DOK4: variants seen among roughly 807,000 people sequenced by gnomAD.
DOK4 encodes downstream of tyrosine kinase 4.
In DOK4, 26 loss-of-function variants were observed where a neutral mutation model predicts 40.1. The ratio of observed to expected loss-of-function variants is 0.65; its 90% CI spans 0.48 to 0.90. The LOEUF (loss-of-function observed/expected upper bound fraction) is 0.90, where lower values mean the gene tolerates loss of function less well. DOK4 is among the 40% of genes least tolerant of loss of function. The pLI, the probability that DOK4 is intolerant of heterozygous loss-of-function variation, is 0.00. For missense variants in DOK4, 392 were observed against 437.2 expected (o/e 0.90, Z 0.92); for synonymous variants, 179 against 177.0 (o/e 1.01, Z -0.09).
chr16:57,484,864 C>A (rs990694840), intron 1 of DOK4, among the ~76,000 whole-genome samples: 4 of 152,232 alleles, frequency 2.6e-5, no homozygotes, highest in African/African-American at 9.6e-5. Flanking sequence ...TTACATCTGT[C>A]CATTTGTTTC....
chr16:57,479,331 C>CGGCAGCCGGAG lies in DOK4; in HGVS notation c.66+100_66+110dup. ...CCCGAGACCACAGATGCACGATGCC[C>CGGCAGCCGGAG]GGCAGCCGGAGGGCAGCCGCGTGCC... On this transcript the variant is annotated intron_variant, in intron 2 of 8. Coordinates refer to ENST00000340099, the Ensembl canonical transcript of DOK4. The surrounding 1 kb of genome is among the most constrained non-coding windows in gnomAD (Gnocchi z 5.8). The CGGCAGCCGGAG allele has an allele frequency of 8.1e-7, 1 of 1,233,408 alleles. No individual in the cohort carries two copies. Among genetic ancestry groups the CGGCAGCCGGAG allele is most frequent in the Non-Finnish European group, 1.1e-6 (1 of 870,572 alleles). The allele number at this position is 1,233,408 out of a possible 1,614,324, so 76.4% of individuals were successfully genotyped here.
intron 1 of DOK4, among the ~76,000 whole-genome samples, chr16:57,481,000 C>T (rs1374096004): frequency 6.6e-6 from 1 of 152,182 alleles, no homozygotes; most frequent in Non-Finnish European, 1.5e-5. Flanking sequence ...CATCCATCCT[C>T]GGGGGCAGGG....
chr16:57,478,929 C>A (rs1371782322), intron 2 of DOK4, among the ~76,000 whole-genome samples: 2 of 152,128 alleles, frequency 1.3e-5, no homozygotes, highest in Non-Finnish European at 2.9e-5. Context: ...TTAAACTCGA[C>A]AACCAAAAAT....
intron 2 of DOK4, among the ~76,000 whole-genome samples, chr16:57,476,754 T>C (rs1312916230): frequency 1.3e-5 from 2 of 152,244 alleles, no homozygotes; most frequent in African/African-American, 2.4e-5. Flanking sequence ...CCTTCCCTCC[T>C]GGCCCTGGCC....
At chr16:57,484,064 A>G (rs1328849028) in intron 1 of DOK4, 1 of 151,718 alleles carries the variant, frequency 6.6e-6, no homozygotes. Context: ...GAGTAGGGAG[A>G]CTCCCAGGGC....
chr16:57,482,088 T>C (rs1213580671), intron 1 of DOK4, among the ~76,000 whole-genome samples: 2 of 151,924 alleles, frequency 1.3e-5, no homozygotes, highest in African/African-American at 2.4e-5. Flanking sequence ...ATGGTCTCGA[T>C]CTCCTGACCT....
rs1283779764 is a variant in DOK4, at chr16:57,485,534, C to T, written c.-182+771G>A. ...CTCCTAGAGATACTGCCAGGCCCCT[C>T]GCTGCCCTGGCCATCAGACCCCTCC... is the stretch of plus-strand genomic sequence containing the variant. On this transcript the variant is annotated intron_variant, in intron 1 of 8. Transcript: ENST00000340099. The surrounding 1 kb of genome is among the most constrained non-coding windows in gnomAD (Gnocchi z 4.3). Among the ~76,000 whole-genome samples the T allele has an allele frequency of 1.3e-5, 2 of 152,266 alleles. No homozygotes were observed. The highest frequency in any genetic ancestry group is 2.4e-5 in the African/African-American group (1 of 41,556).
rs1203412523 is a variant in DOK4 at position 57,472,032 on chromosome 16, TAGCTG to T, written c.*1340_*1344del. 3.9e-5 allele frequency: 6 copies of T among 152,904 alleles called. No homozygotes were observed. In the East Asian group the frequency reaches 1.2e-3, roughly 30 times the overall value. The allele number at this position is 152,904 out of a possible 1,614,324, so 9.5% of individuals were successfully genotyped here. ...CTCCTTCATGCGTCATCGTGCCACT[TAGCTG>T]AGCCAGCCAGCTCTGCCTCCCTCCC... is the stretch of plus-strand genomic sequence containing the variant. On this transcript the variant is annotated 3_prime_UTR_variant, in exon 9 of 9. Coordinates refer to ENST00000340099, the Ensembl canonical transcript of DOK4.
rs1287049683 is a variant in DOK4 at position 57,479,625 on chromosome 16, G to A, written c.-118C>T. 6 of 1,087,796 alleles carry A rather than the reference G, an allele frequency of 5.5e-6. No homozygotes were observed. The highest frequency in any genetic ancestry group is 1.3e-5 in the South Asian group (1 of 74,758). 67.4% of individuals were successfully genotyped at this position (1,087,796 alleles called of 1,614,324 possible). On this transcript the variant is annotated 5_prime_UTR_variant, in exon 2 of 9. Transcript: ENST00000340099. This position sits in a 1 kb window ranked among gnomAD's most constrained non-coding sequence, Gnocchi z 5.8. ...CCAGACACTCTGTCGGGGCTGCCGC[G>A]AGGGGCTGCTCCTCACCTCACCCGC...
In DOK4 at chr16:57,485,698, T is replaced by C. The variant is rs1484028913; in HGVS notation, c.-182+607A>G. On this transcript the variant is annotated intron_variant, in intron 1 of 8. Transcript: ENST00000340099. The surrounding 1 kb of genome is among the most constrained non-coding windows in gnomAD (Gnocchi z 4.3). ...CTCGGCTCATGCCCCTTTTCAGTAA[T>C]AGAAAGCATGTAACTGGATCTAGGG... Among the ~76,000 whole-genome samples the C allele has an allele frequency of 1.3e-5, 2 of 152,010 alleles. No individual in the cohort carries two copies. Among genetic ancestry groups the C allele is most frequent in the East Asian group, 3.9e-4 (2 of 5,136 alleles).
chr16:57,477,310 C>G (rs1012078794), intron 2 of DOK4, among the ~76,000 whole-genome samples: 3 of 152,240 alleles, frequency 2.0e-5, no homozygotes, highest in Admixed American at 6.5e-5. Flanking sequence ...ACCCCTGACC[C>G]TGGCTTGGCC....
rs753588903 is a variant in DOK4, at chr16:57,473,489, CCCTCA to C, written c.864_868del (p.Glu289ValfsTer30). 1 of 1,614,184 alleles carries C rather than the reference CCCTCA, an allele frequency of 6.2e-7. No individual in the cohort carries two copies. Among genetic ancestry groups the C allele is most frequent in the Admixed American group, 1.7e-5 (1 of 60,022 alleles). ...CGAGCTGGCCTGGGCTGCCCCATAC[CCCTCA>C]CCTGTGGGCACAGAAGCAGGCTCAG... On this transcript the variant is annotated frameshift_variant and splice_region_variant, in exon 9 of 9. Coordinates refer to ENST00000340099, the Ensembl canonical transcript of DOK4. LOFTEE classifies it high-confidence loss of function.
chr16:57,473,928 G>T, exon 7 of DOK4: 1 of 1,613,876 alleles, frequency 6.2e-7, no homozygotes, highest in East Asian at 2.2e-5. Flanking sequence ...TTTCCAGCAG[G>T]ACCCGCTTGT....
At chr16:57,474,974 T>G in exon 6 of DOK4, 1 of 1,608,922 alleles carries the variant, frequency 6.2e-7, no homozygotes, top group Non-Finnish European at 8.5e-7. Context: ...AGGAAGACAT[T>G]GAAGCGATCT....
At chr16:57,480,906 C>T (rs925514678) in intron 1 of DOK4, among the ~76,000 whole-genome samples, 3 of 152,134 alleles carry the variant, frequency 2.0e-5, no homozygotes, top group South Asian at 2.1e-4. Flanking sequence ...AGGAGAAGGT[C>T]CAGGGTGGTG....
exon 9 of DOK4, chr16:57,472,624 A>G (rs1396731546): frequency 6.6e-6 from 1 of 152,508 alleles, no homozygotes; most frequent in Non-Finnish European, 1.5e-5. Flanking sequence ...GGGCAGGAAC[A>G]AGCTCCAGCC....
At chr16:57,477,740 G>C (rs767368194) in intron 2 of DOK4, among the ~76,000 whole-genome samples, 17 of 152,218 alleles carry the variant, frequency 1.1e-4, no homozygotes, top group Non-Finnish European at 1.9e-4. Flanking sequence ...GCAGGTAGGA[G>C]AGCCGGCTCC....
At chr16:57,475,903 G>T (rs778692640) in exon 3 of DOK4, 2 of 1,613,468 alleles carry the variant, frequency 1.2e-6, no homozygotes, top group African/African-American at 2.7e-5. Flanking sequence ...TTCTCCAGCC[G>T]CTGGGGCCCC....
Position 57,475,488 on chromosome 16 carries a change from C to T in DOK4, c.289+18G>A. ...CCACCCCAGGGGAGGCAGATGGAGGCCCATACTCGCGCCTCACCTGAGTCG... is the reference window on the plus strand; with the variant it reads ...CCACCCCAGGGGAGGCAGATGGAGGTCCATACTCGCGCCTCACCTGAGTCG... On this transcript the variant is annotated intron_variant, in intron 4 of 8. Transcript: ENST00000340099. The T allele has an allele frequency of 6.3e-7, 1 of 1,586,724 alleles. No homozygotes were observed. Among genetic ancestry groups the T allele is most frequent in the Non-Finnish European group, 8.6e-7 (1 of 1,164,664 alleles).
Sources: allele counts gnomAD v4.1 joint callset (sites outside exome capture counted in the v4.1 genomes callset), GRCh38; gene constraint gnomAD v4.1.1; non-coding constraint Gnocchi (gnomAD v3.1); transcripts MANE v1.5; gene names NCBI Gene and HGNC (gene_info 2026-07-23, HGNC 2026-07-21).